The following COL22A1 variants were observed in gnomAD, a reference collection of about 807,000 sequenced individuals.
COL22A1 encodes collagen type XXII alpha 1 chain.
COL22A1 carries 221 observed loss-of-function variants against 248.9 expected under a neutral mutation model. The observed-to-expected ratio is 0.89, with a 90% CI of 0.80 to 0.99. The LOEUF (loss-of-function observed/expected upper bound fraction) is 0.99, where lower values mean the gene tolerates loss of function less well. Among genes scored for constraint, COL22A1 ranks in the 50% least tolerant of loss-of-function variants. COL22A1 has a pLI of 0.00. For missense variants in COL22A1, 2,240 were observed against 2,179.0 expected (o/e 1.03, Z -0.56); for synonymous variants, 891 against 793.4 (o/e 1.12, Z -2.07).
At chr8:138,613,840 G>A in intron 56 of COL22A1, 27 bp downstream of exon 56, 1 of 1,601,378 alleles carries the variant, frequency 6.2e-7, no homozygotes, top group Non-Finnish European at 8.6e-7. Flanking sequence ...ATAACATGAA[G>A]CACATTAGTC....
intron 1 of COL22A1, among the ~76,000 whole-genome samples, chr8:138,904,898 G>A (rs1260785096): frequency 6.6e-6 from 1 of 152,148 alleles, no homozygotes; most frequent in Non-Finnish European, 1.5e-5. Flanking sequence ...GGAGGGCCAT[G>A]GACCATGAGG....
chr8:138,865,704 CCTGTGTATGA>C (rs1341744699), intron 3 of COL22A1, among the ~76,000 whole-genome samples: 1 of 135,396 alleles, frequency 7.4e-6, no homozygotes, highest in Admixed American at 7.6e-5. Context: ...TGTTTGTATG[CCTGTGTATGA>C]GTGTATGTGT....
chr8:138,904,972 T>A (rs1317719006), intron 1 of COL22A1, among the ~76,000 whole-genome samples: 1 of 152,162 alleles, frequency 6.6e-6, no homozygotes, highest in Admixed American at 6.5e-5. Flanking sequence ...TCAGCTAGTA[T>A]CTCTCTAAGC....
intron 30 of COL22A1, among the ~76,000 whole-genome samples, chr8:138,713,785 T>C (rs768308874): frequency 8.5e-5 from 13 of 152,068 alleles, no homozygotes; most frequent in Admixed American, 7.9e-4. Context: ...AATTCCATTA[T>C]GTTTTCTGAT....
At chr8:138,799,902 G>A (rs919133903) in intron 11 of COL22A1, among the ~76,000 whole-genome samples, 1 of 152,026 alleles carries the variant, frequency 6.6e-6, no homozygotes, top group African/African-American at 2.4e-5. Flanking sequence ...AACTAGCTTT[G>A]GTAAAGTTGT....
chr8:138,615,279 C>T lies in COL22A1; in HGVS notation c.3924+722G>A, dbSNP rs114649559. 3.0e-3 allele frequency among the ~76,000 whole-genome samples: 460 copies of T among 152,296 alleles called. 2 individuals are homozygous for T. The highest frequency in any genetic ancestry group is 0.011 in the African/African-American group (437 of 41,548). On this transcript the variant is annotated intron_variant, in intron 55 of 64. Coordinates refer to ENST00000303045, the MANE Select transcript of COL22A1 (RefSeq NM_152888.3). ...GGCACAGTGGCTCACGCCTATAGTC[C>T]TAACCCTTTGGGAGACCGAGGCAGG...
chr8:138,623,350 C>T (rs1819981206), intron 52 of COL22A1, among the ~76,000 whole-genome samples: 2 of 150,482 alleles, frequency 1.3e-5, no homozygotes, highest in South Asian at 4.2e-4. Flanking sequence ...ACTAGGTATC[C>T]TGATCTCTCC....
At chr8:138,719,272 T>G (rs1470152303) in intron 27 of COL22A1, among the ~76,000 whole-genome samples, 1 of 152,024 alleles carries the variant, frequency 6.6e-6, no homozygotes, top group African/African-American at 2.4e-5. Flanking sequence ...ACACAGCAAA[T>G]TACATGACAT....
chr8:138,589,912 T>C (rs1816894836), intron 64 of COL22A1, among the ~76,000 whole-genome samples: 1 of 152,086 alleles, frequency 6.6e-6, no homozygotes, highest in African/African-American at 2.4e-5. Context: ...TTGTTCCAAA[T>C]CTGTATTTTC....
intron 3 of COL22A1, among the ~76,000 whole-genome samples, chr8:138,867,793 A>G (rs1172807709): frequency 6.6e-6 from 1 of 152,194 alleles, no homozygotes. Context: ...TTTGAGACGA[A>G]GTCCTACTCT....
At chr8:138,725,773 A>G in intron 23 of COL22A1, among the ~76,000 whole-genome samples, 1 of 151,732 alleles carries the variant, frequency 6.6e-6, no homozygotes, top group Non-Finnish European at 1.5e-5. Context: ...ACACACACAC[A>G]CACACACACA....
intron 3 of COL22A1, among the ~76,000 whole-genome samples, chr8:138,871,615 T>C (rs1823347954): frequency 6.6e-6 from 1 of 152,214 alleles, no homozygotes; most frequent in South Asian, 2.1e-4. Flanking sequence ...TGGGATCATG[T>C]ATGTCACATA....
intron 4 of COL22A1, among the ~76,000 whole-genome samples, chr8:138,842,568 A>G (rs1820964403): frequency 6.6e-6 from 1 of 152,194 alleles, no homozygotes; most frequent in African/African-American, 2.4e-5. Context: ...CTCGCTGGGG[A>G]TTACCAAGGC....
Position 138,829,413 on chromosome 8 carries a change from T to TTTTTTG in COL22A1, c.846-2633_846-2632insCAAAAA, listed in dbSNP as rs1554640295. 1.3e-3 allele frequency among the ~76,000 whole-genome samples: 189 copies of TTTTTTG among 140,188 alleles called. 5 individuals carry two copies. Among genetic ancestry groups the TTTTTTG allele is most frequent in the African/African-American group, 4.8e-3 (184 of 38,030 alleles). 92.0% of individuals were successfully genotyped at this position (140,188 alleles called of 152,430 possible). Reference sequence around the variant, plus strand: ...TTTCCTTCCTTTCCTGTTTTTTTTTTTTTTTTTTTTTGAGACAGAGTCTCG... The same window carrying TTTTTTG: ...TTTCCTTCCTTTCCTGTTTTTTTTTTTTTTTGTTTTTTTTTTTGAGACAGAGTCTCG... On this transcript the variant is annotated intron_variant, in intron 5 of 64. Transcript: ENST00000303045.
At chr8:138,772,991 G>A (rs574969249) in intron 16 of COL22A1, among the ~76,000 whole-genome samples, 12 of 152,260 alleles carry the variant, frequency 7.9e-5, no homozygotes, top group East Asian at 5.8e-4. Context: ...CCCCGGCGCC[G>A]CGTGTGGCCT....
chr8:138,834,348 A>G (rs1467246541), intron 4 of COL22A1, among the ~76,000 whole-genome samples: 13 of 112,524 alleles, frequency 1.2e-4, no homozygotes, highest in Admixed American at 9.0e-4. Context: ...AGAGAAAAAG[A>G]AAAAAAAAAA....
At chr8:138,762,364 C>T (rs373329254) in intron 17 of COL22A1, 49 bp downstream of exon 17, 1 of 1,579,422 alleles carries the variant, frequency 6.3e-7, no homozygotes, top group African/African-American at 1.3e-5. Context: ...TCATTCCCAT[C>T]CTCTGACCGC....
chr8:138,642,899 T>C (rs1821839541), intron 47 of COL22A1, among the ~76,000 whole-genome samples: 1 of 151,782 alleles, frequency 6.6e-6, no homozygotes, highest in South Asian at 2.1e-4. Context: ...TGTAGTGGCA[T>C]GCACCTGTAG....
At chr8:138,743,990 C>A (rs568336418) in intron 22 of COL22A1, among the ~76,000 whole-genome samples, 1 of 152,286 alleles carries the variant, frequency 6.6e-6, no homozygotes, top group East Asian at 1.9e-4. Flanking sequence ...CTGCTCAGTT[C>A]CTGTTCTCCA....
Sources: allele counts gnomAD v4.1 joint callset (sites outside exome capture counted in the v4.1 genomes callset), GRCh38; gene constraint gnomAD v4.1.1; transcripts MANE v1.5; gene names NCBI Gene and HGNC (gene_info 2026-07-23, HGNC 2026-07-21).